The following CHN2 variants were observed in gnomAD, a reference collection of about 807,000 sequenced individuals.
CHN2 encodes the protein beta-chimaerin.
Under a neutral mutation model 56.3 loss-of-function variants are expected in CHN2, and 35 were observed. The observed-to-expected ratio is 0.62, with a 90% CI of 0.47 to 0.82. The LOEUF (loss-of-function observed/expected upper bound fraction) is 0.82, where lower values mean the gene tolerates loss of function less well. Ranked by LOEUF, CHN2 falls within the 40% of genes least tolerant of loss-of-function variation. The pLI is 0.00. For missense variants in CHN2, 491 were observed against 580.5 expected, an observed-to-expected ratio of 0.85 and a Z score of 1.58; for synonymous variants, 210 against 212.8, an observed-to-expected ratio of 0.99 and a Z score of 0.12.
chr7:29,174,374 CAG>C (rs1316761935), intron 2 of CHN2, among the ~76,000 whole-genome samples: 4 of 152,116 alleles, frequency 2.6e-5, no homozygotes, highest in African/African-American at 9.7e-5. Flanking sequence ...TGAGGAGAGA[CAG>C]TAAAGCTTTT....
chr7:29,250,724 T>C (rs914623526), intron 1 of CHN2, among the ~76,000 whole-genome samples: 1 of 151,682 alleles, frequency 6.6e-6, no homozygotes, highest in Non-Finnish European at 1.5e-5. Context: ...TTTTTTTTTT[T>C]TTTTGAGGCA....
intron 1 of CHN2, among the ~76,000 whole-genome samples, chr7:29,302,750 A>G (rs1434760970): frequency 1.3e-5 from 2 of 152,090 alleles, no homozygotes; most frequent in African/African-American, 4.8e-5. Context: ...CGATTAAACA[A>G]TAACTCTCTA....
At chr7:29,358,353 A>G (rs1798471643) in intron 2 of CHN2, among the ~76,000 whole-genome samples, 1 of 152,182 alleles carries the variant, frequency 6.6e-6, no homozygotes, top group African/African-American at 2.4e-5. Context: ...AGCTACGATC[A>G]CACCATTGCA....
In CHN2 at chr7:29,482,797, C is replaced by CTTT. The variant is rs375120538; in HGVS notation, c.654+2481_654+2483dup. On this transcript the variant is annotated intron_variant, in intron 7 of 12. Coordinates refer to ENST00000222792, the MANE Select transcript of CHN2 (RefSeq NM_004067.4). ...TGCTAGGTGCTGTCTGCACTTTTTT[C>CTTT]TTTTTTTTTTTTTTTTTTTTTTTTT... is the stretch of plus-strand genomic sequence containing the variant. Among the ~76,000 whole-genome samples, 86 of 64,210 alleles carry CTTT rather than the reference C, an allele frequency of 1.3e-3. 16 individuals are homozygous for CTTT. The highest frequency in any genetic ancestry group is 1.7e-3 in the Non-Finnish European group (57 of 34,260). 42.1% of individuals were successfully genotyped at this position (64,210 alleles called of 152,430 possible).
chr7:29,242,144 G>A (rs1787733057), intron 1 of CHN2, among the ~76,000 whole-genome samples: 1 of 152,070 alleles, frequency 6.6e-6, no homozygotes. Flanking sequence ...TAAGCGACTT[G>A]CCCAAATGTC....
chr7:29,329,497 T>C (rs998930939), intron 1 of CHN2, among the ~76,000 whole-genome samples: 1 of 152,032 alleles, frequency 6.6e-6, no homozygotes, highest in African/African-American at 2.4e-5. Flanking sequence ...TGGGCCTGTC[T>C]TTTCTTATCA....
intron 1 of CHN2, among the ~76,000 whole-genome samples, chr7:29,325,899 C>G (rs1795762361): frequency 6.6e-6 from 1 of 152,182 alleles, no homozygotes; most frequent in Admixed American, 6.5e-5. Flanking sequence ...GTTAGGAAAA[C>G]TGGACCATAT....
At chr7:29,207,930 A>G (rs566674384) in intron 1 of CHN2, among the ~76,000 whole-genome samples, 48 of 152,344 alleles carry the variant, frequency 3.2e-4, no homozygotes, top group Admixed American at 3.1e-3. Flanking sequence ...GAAAAAATGC[A>G]TTTGATCAGA....
intron 1 of CHN2, among the ~76,000 whole-genome samples, chr7:29,309,071 A>G (rs1178455246): frequency 6.6e-6 from 1 of 152,246 alleles, no homozygotes; most frequent in Non-Finnish European, 1.5e-5. Flanking sequence ...GAATGAATGG[A>G]AAGCATAGAC....
intron 6 of CHN2, among the ~76,000 whole-genome samples, chr7:29,455,785 C>T (rs1004101620): frequency 6.6e-6 from 1 of 152,264 alleles, no homozygotes; most frequent in East Asian, 1.9e-4. Context: ...GTCTGAGGAC[C>T]GTGGTTTACC....
At chr7:29,340,964 G>A (rs943022322) in intron 1 of CHN2, among the ~76,000 whole-genome samples, 2 of 152,158 alleles carry the variant, frequency 1.3e-5, no homozygotes, top group African/African-American at 4.8e-5. Flanking sequence ...AGGCGACTGA[G>A]AATTGAAGGC....
intron 7 of CHN2, among the ~76,000 whole-genome samples, chr7:29,485,191 A>C (rs1029354820): frequency 1.3e-5 from 2 of 152,218 alleles, no homozygotes; most frequent in Non-Finnish European, 2.9e-5. Context: ...GTTATACTTT[A>C]TAATCAAATT....
At chr7:29,438,509 CT>C (rs375693564) in intron 6 of CHN2, among the ~76,000 whole-genome samples, 43 of 150,076 alleles carry the variant, frequency 2.9e-4, no homozygotes, top group African/African-American at 6.6e-4. Flanking sequence ...TAAGTTCATT[CT>C]TTTTTTTTTC....
chr7:29,174,600 G>A (rs1362886227), intron 2 of CHN2, among the ~76,000 whole-genome samples: 1 of 152,156 alleles, frequency 6.6e-6, no homozygotes, highest in African/African-American at 2.4e-5. Flanking sequence ...AGTGACTCAC[G>A]CCTGTAATCC....
rs1214595199 is a variant in CHN2 at position 29,398,308 on chromosome 7, T to A, written c.177-65T>A. On this transcript the variant is annotated intron_variant, in intron 4 of 12. Transcript: ENST00000222792. ...GGTGCCCCCACCATCCTTTTAAGGCTAGTTCTTTGTGGTCCTTATTCTGTA... is the reference window on the plus strand; with the variant it reads ...GGTGCCCCCACCATCCTTTTAAGGCAAGTTCTTTGTGGTCCTTATTCTGTA... 5.7e-6 allele frequency: 7 copies of A among 1,237,932 alleles called. No individual in the cohort carries two copies. The African/African-American group carries it at 1.0e-4, about 18-fold the overall frequency. The allele number at this position is 1,237,932 out of a possible 1,614,324, so 76.7% of individuals were successfully genotyped here.
At chr7:29,257,304 C>T (rs1229756670) in intron 1 of CHN2, among the ~76,000 whole-genome samples, 1 of 152,080 alleles carries the variant, frequency 6.6e-6, no homozygotes, top group East Asian at 1.9e-4. Flanking sequence ...GTCTTTCAAT[C>T]GCCACTTCAG....
intron 1 of CHN2, among the ~76,000 whole-genome samples, chr7:29,350,442 G>A (rs1428995050): frequency 6.6e-6 from 1 of 152,124 alleles, no homozygotes; most frequent in African/African-American, 2.4e-5. Flanking sequence ...GTGCTCTGAC[G>A]CTTGACCAAG....
At chr7:29,465,933 G>C (rs1785513463) in intron 6 of CHN2, among the ~76,000 whole-genome samples, 1 of 152,248 alleles carries the variant, frequency 6.6e-6, no homozygotes, top group Non-Finnish European at 1.5e-5. Flanking sequence ...GCCGAGCGCA[G>C]TGGCTCACGC....
chr7:29,458,706 C>A (rs1186808811), intron 6 of CHN2, among the ~76,000 whole-genome samples: 1 of 152,178 alleles, frequency 6.6e-6, no homozygotes, highest in African/African-American at 2.4e-5. Context: ...ATGTAATAAG[C>A]ATATGACTGT....
Sources: allele counts gnomAD v4.1 joint callset (sites outside exome capture counted in the v4.1 genomes callset), GRCh38; gene constraint gnomAD v4.1.1; transcripts MANE v1.5; gene names NCBI Gene and HGNC (gene_info 2026-07-23, HGNC 2026-07-21).